The following PRRC2C variants were observed in gnomAD, a reference collection of about 807,000 sequenced individuals.
PRRC2C encodes protein PRRC2C.
Under a neutral mutation model 317.2 loss-of-function variants are expected in PRRC2C, and 72 were observed. The ratio of observed to expected loss-of-function variants is 0.23; its 90% CI spans 0.19 to 0.28. PRRC2C has a LOEUF of 0.28. Among genes scored for constraint, PRRC2C ranks in the 10% least tolerant of loss-of-function variants. The pLI is 1.00. For missense variants in PRRC2C, 3,074 were observed against 3,459.7 expected (o/e 0.89, Z 2.80); for synonymous variants, 1,296 against 1,205.9 (o/e 1.07, Z -1.55).
At chr1:171,544,203 A>G (rs757227948) in intron 16 of PRRC2C, among the ~76,000 whole-genome samples, 13 of 151,804 alleles carry the variant, frequency 8.6e-5, no homozygotes, top group Admixed American at 6.6e-5. Flanking sequence ...GCTCACTGCA[A>G]CCTCCACCCC....
intron 34 of PRRC2C, among the ~76,000 whole-genome samples, 159 bp downstream of exon 34, chr1:171,589,764 T>C (rs1002932653): frequency 6.6e-6 from 1 of 152,076 alleles, no homozygotes; most frequent in Non-Finnish European, 1.5e-5. Flanking sequence ...TTCTTTTTTT[T>C]CCCCCATTCC....
At chr1:171,569,296 TA>T (rs1684267697) in intron 23 of PRRC2C, among the ~76,000 whole-genome samples, 2 of 152,012 alleles carry the variant, frequency 1.3e-5, no homozygotes, top group South Asian at 4.2e-4. Flanking sequence ...TTTTGAGTTA[TA>T]AAAATCTTTA....
chr1:171,527,728 C>A, intron 10 of PRRC2C, 63 bp from the exon 11 acceptor site: 1 of 1,410,662 alleles, frequency 7.1e-7, no homozygotes, highest in Non-Finnish European at 9.8e-7. Flanking sequence ...TGCACTCCAG[C>A]ATGGGCAACA....
Position 171,566,293 on chromosome 1 carries a change from G to T in PRRC2C, c.6178G>T (p.Ala2060Ser). 1 of 1,610,852 alleles carries T rather than the reference G, an allele frequency of 6.2e-7. No individual in the cohort carries two copies. Among genetic ancestry groups the T allele is most frequent in the Non-Finnish European group, 8.5e-7 (1 of 1,178,540 alleles). Reference sequence around the variant, plus strand: ...TGGAACTGACACAATTCAGTTTGGTGCTCCAGCCTCAAATGGAAATGAAAA... The same window carrying T: ...TGGAACTGACACAATTCAGTTTGGTTCTCCAGCCTCAAATGGAAATGAAAA... The part of the protein sequence containing the change: ...EIGTDTIQFG[A>S]PASNGNENEV... Residue 2060 changes from alanine (A) to serine (S), a missense_variant, in exon 21 of 35, where the codon GCT becomes TCT. By Grantham distance (99) the Ala-to-Ser change is moderately conservative. Transcript: ENST00000647382.
chr1:171,525,702 C>A (rs950891958), intron 10 of PRRC2C, among the ~76,000 whole-genome samples: 2 of 152,214 alleles, frequency 1.3e-5, no homozygotes, highest in Admixed American at 1.3e-4. Flanking sequence ...AAAATAAATT[C>A]TTTGAGCATT....
intron 26 of PRRC2C, 29 bp downstream of exon 26, chr1:171,577,666 A>C (rs768153732): frequency 6.3e-7 from 1 of 1,578,240 alleles, no homozygotes; most frequent in Non-Finnish European, 8.7e-7. Context: ...AATATAAGGA[A>C]TTTAGAAAAT....
At position 171,591,886 on chromosome 1, in the gene PRRC2C, G is replaced by GCCGGCGCCGGGGCGCCCCCCCCCC; in HGVS notation, c.*39_*40insCCGGCGCCGGGGCGCCCCCCCCCC. 1 of 475,636 alleles carries GCCGGCGCCGGGGCGCCCCCCCCCC rather than the reference G, an allele frequency of 2.1e-6. No individual in the cohort carries two copies. The highest frequency in any genetic ancestry group is 3.7e-6 in the Non-Finnish European group (1 of 266,840). The allele number at this position is 475,636 out of a possible 1,614,324, so 29.5% of individuals were successfully genotyped here. A position where few individuals can be genotyped will look rare whatever the true frequency, so the allele number is the denominator to read the frequency against. ...TTGCAGGGGATTGGGAGGGGGGCGG[G>GCCGGCGCCGGGGCGCCCCCCCCCC]AAAACATGGAGAATTAAGTCAGATA... On this transcript the variant is annotated 3_prime_UTR_variant, in exon 35 of 35. Coordinates refer to ENST00000647382, the MANE Select transcript of PRRC2C (RefSeq NM_001387844.1).
At chr1:171,578,174 A>G (rs1272063642) in intron 26 of PRRC2C, among the ~76,000 whole-genome samples, 1 of 152,180 alleles carries the variant, frequency 6.6e-6, no homozygotes, top group African/African-American at 2.4e-5. Context: ...TTTCATAACT[A>G]GGAATCTCAT....
chr1:171,588,917 G>T (rs1350318153), intron 33 of PRRC2C, among the ~76,000 whole-genome samples: 2 of 152,132 alleles, frequency 1.3e-5, no homozygotes, highest in African/African-American at 4.8e-5. Flanking sequence ...AAAAATGTTG[G>T]CTTCTCTTCC....
At chr1:171,535,363 A>G in intron 12 of PRRC2C, 65 bp from the exon 13 acceptor site, 1 of 1,431,224 alleles carries the variant, frequency 7.0e-7, no homozygotes, top group East Asian at 2.4e-5. Flanking sequence ...CAGTCTTTGT[A>G]AAAATCCTGT....
intron 24 of PRRC2C, among the ~76,000 whole-genome samples, chr1:171,573,561 G>T (rs2102771683): frequency 1.3e-5 from 2 of 150,336 alleles, no homozygotes; most frequent in Middle Eastern, 6.8e-3. Flanking sequence ...AAATATAAAA[G>T]TTCTGTATTT....
chr1:171,555,804 G>A (rs1330062767), intron 18 of PRRC2C, among the ~76,000 whole-genome samples: 2 of 152,210 alleles, frequency 1.3e-5, no homozygotes, highest in Admixed American at 1.3e-4. Flanking sequence ...AGCAAATATT[G>A]CAGAACAGCA....
At chr1:171,586,916 G>C in intron 30 of PRRC2C, 87 bp from the exon 31 acceptor site, 3 of 1,031,616 alleles carry the variant, frequency 2.9e-6, no homozygotes, top group Non-Finnish European at 4.3e-6. Context: ...TTACTCAAAA[G>C]TATTTGAAGA....
chr1:171,504,254 T>G (rs1157090058), intron 1 of PRRC2C, among the ~76,000 whole-genome samples: 1 of 152,238 alleles, frequency 6.6e-6, no homozygotes, highest in African/African-American at 2.4e-5. Context: ...GTTTGTCCTT[T>G]AGTTCTCAAC....
chr1:171,501,858 T>G (rs1255063288), intron 1 of PRRC2C, among the ~76,000 whole-genome samples: 1 of 152,252 alleles, frequency 6.6e-6, no homozygotes, highest in African/African-American at 2.4e-5. Context: ...TTTTGTTACT[T>G]AAATGTGGTT....
chr1:171,552,536 G>A (rs1325713222), intron 18 of PRRC2C, among the ~76,000 whole-genome samples: 1 of 152,164 alleles, frequency 6.6e-6, no homozygotes, highest in African/African-American at 2.4e-5. Context: ...TCCCTGTCTT[G>A]TGCCAGTTTT....
At position 171,593,021 on chromosome 1, in the gene PRRC2C, A is replaced by G. The variant is rs1651714691; in HGVS notation, c.*1174A>G. ...GCTGTTTTTAATGATGTTATTCTAGAATGTTTTCTTTCCAGATGATGATTC... is the reference window on the plus strand; with the variant it reads ...GCTGTTTTTAATGATGTTATTCTAGGATGTTTTCTTTCCAGATGATGATTC... On this transcript the variant is annotated 3_prime_UTR_variant, in exon 35 of 35. Coordinates refer to ENST00000647382, the MANE Select transcript of PRRC2C (RefSeq NM_001387844.1). The G allele has an allele frequency of 6.6e-6, 1 of 151,996 alleles. No individual in the cohort carries two copies. Among genetic ancestry groups the G allele is most frequent in the Admixed American group, 6.6e-5 (1 of 15,260 alleles). 9.4% of individuals were successfully genotyped at this position (151,996 alleles called of 1,614,324 possible). A position where few individuals can be genotyped will look rare whatever the true frequency, so the allele number is the denominator to read the frequency against.
chr1:171,553,718 G>A (rs772607692), intron 18 of PRRC2C, among the ~76,000 whole-genome samples: 6 of 152,086 alleles, frequency 3.9e-5, no homozygotes, highest in Non-Finnish European at 5.9e-5. Context: ...CCTTCATTCT[G>A]TTATTTATCC....
At chr1:171,525,282 T>C (rs556905357) in intron 10 of PRRC2C, among the ~76,000 whole-genome samples, 201 of 152,300 alleles carry the variant, frequency 1.3e-3, no homozygotes, top group African/African-American at 4.7e-3. Context: ...AAGTGCTTTA[T>C]GGTTTATTGA....
Sources: gnomAD v4.1 joint callset for allele counts (sites outside exome capture counted in the v4.1 genomes callset) on GRCh38, gnomAD v4.1.1 for gene constraint, MANE v1.5 for transcripts, NCBI Gene and HGNC (gene_info 2026-07-23, HGNC 2026-07-21) for gene names.